Variants in RNF216 observed in about 807,000 individuals in gnomAD.
RNF216 encodes the protein ring finger protein 216, also known as E3 ubiquitin-protein ligase RNF216.
Under a neutral mutation model 110.8 loss-of-function variants are expected in RNF216, and 72 were observed. The observed-to-expected ratio is 0.65, with a 90% CI of 0.54 to 0.79. The LOEUF (loss-of-function observed/expected upper bound fraction) is 0.79, where lower values mean the gene tolerates loss of function less well. RNF216 is among the 30% of genes least tolerant of loss of function. The pLI, the probability that RNF216 is intolerant of heterozygous loss-of-function variation, is 0.00. For missense variants in RNF216, 1,342 were observed against 1,141.2 expected (o/e 1.18, Z -2.54); for synonymous variants, 495 against 407.5 (o/e 1.21, Z -2.59).
chr7:5,730,180 G>C (rs1001909618), intron 6 of RNF216, among the ~76,000 whole-genome samples: 1 of 152,182 alleles, frequency 6.6e-6, no homozygotes, highest in Non-Finnish European at 1.5e-5. Context: ...TACTTAGAGG[G>C]AAGTGTACTC....
chr7:5,769,911 C>T (rs1356434837), intron 1 of RNF216, among the ~76,000 whole-genome samples: 1 of 41,530 alleles, frequency 2.4e-5, no homozygotes, highest in African/African-American at 7.2e-5. Context: ...GTGGCGAGTG[C>T]TTGTAGCCAG....
At chr7:5,676,235 C>A (rs1790284364) in intron 13 of RNF216, among the ~76,000 whole-genome samples, 1 of 152,082 alleles carries the variant, frequency 6.6e-6, no homozygotes, top group Admixed American at 6.5e-5. Flanking sequence ...TGATCTTGAA[C>A]TCCTGGTCTC....
chr7:5,659,615 G>GT (rs1457213456), intron 13 of RNF216, among the ~76,000 whole-genome samples: 9 of 152,220 alleles, frequency 5.9e-5, no homozygotes, highest in African/African-American at 1.9e-4. Context: ...GGCTGCTACT[G>GT]TTAAAGGGAT....
chr7:5,623,326 T>C (rs958841441), intron 16 of RNF216, 147 bp from the exon 17 acceptor site: 7 of 619,820 alleles, frequency 1.1e-5, no homozygotes, highest in African/African-American at 1.1e-4. Flanking sequence ...CAAATGCCAC[T>C]GCAAGAAACC....
chr7:5,728,850 G>T (rs943394662), intron 7 of RNF216, among the ~76,000 whole-genome samples: 2 of 152,204 alleles, frequency 1.3e-5, no homozygotes, highest in Admixed American at 6.5e-5. Context: ...GTGCGCTCCT[G>T]TTCTGGCCAC....
At chr7:5,736,580 C>T (rs1347684387) in intron 5 of RNF216, among the ~76,000 whole-genome samples, 1 of 151,728 alleles carries the variant, frequency 6.6e-6, no homozygotes, top group Non-Finnish European at 1.5e-5. Flanking sequence ...CCTGGCCGCC[C>T]ATCGTCTGGG....
chr7:5,724,095 G>C (rs571161560), intron 8 of RNF216, among the ~76,000 whole-genome samples: 1 of 152,214 alleles, frequency 6.6e-6, no homozygotes, highest in Non-Finnish European at 1.5e-5. Flanking sequence ...ACAGGTTTAT[G>C]ACCTGACAGC....
chr7:5,677,865 G>C (rs191097143), intron 13 of RNF216, among the ~76,000 whole-genome samples: 19 of 152,242 alleles, frequency 1.2e-4, no homozygotes, highest in African/African-American at 4.6e-4. Context: ...GAATGTAAGG[G>C]AGCTAGAAAA....
At chr7:5,660,707 A>G (rs1336951422) in intron 13 of RNF216, among the ~76,000 whole-genome samples, 1 of 151,936 alleles carries the variant, frequency 6.6e-6, no homozygotes, top group Non-Finnish European at 1.5e-5. Context: ...CCTCCCAAGT[A>G]GCTGGGACCA....
chr7:5,650,423 A>G (rs1788319488), intron 14 of RNF216, among the ~76,000 whole-genome samples: 1 of 152,212 alleles, frequency 6.6e-6, no homozygotes, highest in Non-Finnish European at 1.5e-5. Flanking sequence ...TCCTTCCAAG[A>G]AACATCTCAC....
At chr7:5,718,455 G>C (rs934759975) in intron 9 of RNF216, among the ~76,000 whole-genome samples, 1 of 151,932 alleles carries the variant, frequency 6.6e-6, no homozygotes, top group African/African-American at 2.4e-5. Context: ...TTGTTTTATA[G>C]TTTTTATTTC....
At position 5,623,144 on chromosome 7, in the gene RNF216, T is replaced by C. The variant is rs746947360; in HGVS notation, c.2488A>G (p.Lys830Glu). 3 of 1,585,046 alleles carry C rather than the reference T, an allele frequency of 1.9e-6. No individual in the cohort carries two copies. The highest frequency in any genetic ancestry group is 2.6e-6 in the Non-Finnish European group (3 of 1,160,020). ...ACCCTCTGCACCTTCTCCACAGGCT[T>C]CTCCAGCGGGGGTCCAATGCGTTTG... Reference protein sequence around the residue: ...TFKRIGPPLEKPVEKVQRVEA... With the variant: ...TFKRIGPPLEEPVEKVQRVEA... The change falls in exon 17 of 17, where the codon AAG (lysine) becomes GAG (glutamate). Residue 830 changes from lysine (K) to glutamate (E), a missense_variant. Transcript: ENST00000389902.
At chr7:5,629,852 G>A (rs1786960077) in intron 15 of RNF216, among the ~76,000 whole-genome samples, 2 of 146,238 alleles carry the variant, frequency 1.4e-5, no homozygotes, top group Non-Finnish European at 1.5e-5. Context: ...AAAAAAAAGA[G>A]GGAGGGAGGG....
At chr7:5,670,672 C>G (rs987042479) in intron 13 of RNF216, among the ~76,000 whole-genome samples, 3 of 152,122 alleles carry the variant, frequency 2.0e-5, no homozygotes, top group Non-Finnish European at 2.9e-5. Context: ...CTAAGGTGAC[C>G]TTTGGAAGCA....
At chr7:5,681,357 G>A (rs903001123) in intron 13 of RNF216, among the ~76,000 whole-genome samples, 2 of 152,178 alleles carry the variant, frequency 1.3e-5, no homozygotes, top group Admixed American at 1.3e-4. Flanking sequence ...TATTCTGAAA[G>A]AGAAAAGTCA....
intron 7 of RNF216, among the ~76,000 whole-genome samples, chr7:5,725,694 A>G (rs1793708785): frequency 6.6e-6 from 1 of 152,158 alleles, no homozygotes; most frequent in South Asian, 2.1e-4. Flanking sequence ...TACTAAAAAT[A>G]CAAAAATTAG....
rs544603347 is a variant in RNF216 at position 5,715,337 on chromosome 7, G to A, written c.1696-147C>T. ...AGGGGCCATAAAACAATGATATGCTGTTTCGTGCTATATAAATCTAGCTCA... is the reference window on the plus strand; with the variant it reads ...AGGGGCCATAAAACAATGATATGCTATTTCGTGCTATATAAATCTAGCTCA... On this transcript the variant is annotated intron_variant, in intron 10 of 16. Transcript: ENST00000389902. The A allele has an allele frequency of 4.3e-6, 3 of 694,908 alleles. No individual in the cohort carries two copies. In the Admixed American group the frequency reaches 7.2e-5, roughly 17 times the overall value. The allele number at this position is 694,908 out of a possible 1,614,324, so 43.0% of individuals were successfully genotyped here.
intron 13 of RNF216, among the ~76,000 whole-genome samples, chr7:5,686,283 C>G (rs1790981080): frequency 6.7e-6 from 1 of 149,720 alleles, no homozygotes; most frequent in East Asian, 1.9e-4. Context: ...AAGAACACCA[C>G]TGCTGCCACG....
At chr7:5,639,684 T>A (rs906990748) in intron 15 of RNF216, among the ~76,000 whole-genome samples, 4 of 152,048 alleles carry the variant, frequency 2.6e-5, no homozygotes, top group African/African-American at 9.7e-5. Flanking sequence ...GGTCTTGAAC[T>A]CCTGACCTCA....
Sources: gnomAD v4.1 joint callset for allele counts (sites outside exome capture counted in the v4.1 genomes callset) on GRCh38, gnomAD v4.1.1 for gene constraint, MANE v1.5 for transcripts, NCBI Gene and HGNC (gene_info 2026-07-23, HGNC 2026-07-21) for gene names.